CCNY: variants seen among roughly 807,000 people sequenced by gnomAD.
The protein encoded by CCNY is cyclin Y.
In CCNY, 19 loss-of-function variants were observed where a neutral mutation model predicts 42.8. That is an observed-to-expected ratio of 0.44 (90% confidence interval 0.31 to 0.65). The LOEUF is 0.65. Ranked by LOEUF, CCNY falls within the 30% of genes least tolerant of loss-of-function variation. The probability of loss-of-function intolerance (pLI) is 0.07; values close to 1 mark genes in which losing one functional copy is unlikely to be tolerated. For synonymous variants in CCNY, 165 were observed against 162.7 expected (o/e 1.01, Z -0.11); for missense variants, 370 against 437.3 (o/e 0.85, Z 1.37).
chr10:35,380,550 C>G (rs1213531215), intron 1 of CCNY, among the ~76,000 whole-genome samples: 1 of 152,226 alleles, frequency 6.6e-6, no homozygotes, highest in Non-Finnish European at 1.5e-5. Context: ...TACGATGAGT[C>G]TCTATATTTC....
intron 1 of CCNY, among the ~76,000 whole-genome samples, chr10:35,398,963 G>A (rs1390918925): frequency 2.6e-5 from 4 of 152,216 alleles, no homozygotes; most frequent in African/African-American, 4.8e-5. Context: ...GACATACGCC[G>A]TGCTTGCTTT....
intron 7 of CCNY, among the ~76,000 whole-genome samples, chr10:35,535,907 G>A (rs2135430003): frequency 6.6e-6 from 1 of 152,186 alleles, no homozygotes; most frequent in Middle Eastern, 3.4e-3. Context: ...AGATGCTGAG[G>A]GTCACTGCAC....
intron 3 of CCNY, among the ~76,000 whole-genome samples, chr10:35,515,369 G>T (rs2135406676): frequency 6.6e-6 from 1 of 152,286 alleles, no homozygotes; most frequent in Non-Finnish European, 1.5e-5. Context: ...TTTGAGAAGA[G>T]ATTCTGTTTA....
intron 3 of CCNY, among the ~76,000 whole-genome samples, chr10:35,266,050 T>A (rs1000054615): frequency 6.6e-6 from 1 of 152,074 alleles, no homozygotes; most frequent in Non-Finnish European, 1.5e-5. Context: ...AATTTACATG[T>A]ATCTCCAGGA....
intron 3 of CCNY, among the ~76,000 whole-genome samples, chr10:35,258,666 T>C (rs765554608): frequency 3.9e-5 from 6 of 152,056 alleles, no homozygotes; most frequent in Non-Finnish European, 7.4e-5. Flanking sequence ...ACATGTGGGG[T>C]ACAGTGGCTC....
At chr10:35,509,422 C>G (rs900506569) in intron 3 of CCNY, among the ~76,000 whole-genome samples, 3 of 151,970 alleles carry the variant, frequency 2.0e-5, no homozygotes, top group African/African-American at 7.3e-5. Flanking sequence ...ATTACAGGCA[C>G]CTTCCACCAC....
chr10:35,286,012 A>G (rs369485540), intron 3 of CCNY, among the ~76,000 whole-genome samples: 2 of 150,982 alleles, frequency 1.3e-5, no homozygotes, highest in African/African-American at 2.4e-5. Context: ...GGGTTTCTCC[A>G]TGTTGGTCAG....
intron 3 of CCNY, among the ~76,000 whole-genome samples, chr10:35,306,694 G>A (rs1259127444): frequency 6.6e-6 from 1 of 151,920 alleles, no homozygotes; most frequent in African/African-American, 2.4e-5. Flanking sequence ...TCTCCCACAT[G>A]CCCTCTCCCC....
Position 35,474,939 on chromosome 10 carries a change from G to C in CCNY, c.155-8465G>C, listed in dbSNP as rs577034904. On this transcript the variant is annotated intron_variant, in intron 1 of 9. Coordinates refer to ENST00000374704, the MANE Select transcript of CCNY (RefSeq NM_145012.6). Reference sequence around the variant, plus strand: ...ATGTATAACTAGAATAACCAATACAGAGAAGTGCTTAAAGGAGCTGATGGA... The same window carrying C: ...ATGTATAACTAGAATAACCAATACACAGAAGTGCTTAAAGGAGCTGATGGA... Among the ~76,000 whole-genome samples, 584 of 151,406 alleles carry C rather than the reference G, an allele frequency of 3.9e-3. 7 individuals are homozygous for C. The highest frequency in any genetic ancestry group is 5.3e-3 in the Non-Finnish European group (356 of 67,404).
At chr10:35,547,938 A>G (rs1414803211) in intron 7 of CCNY, among the ~76,000 whole-genome samples, 4 of 152,128 alleles carry the variant, frequency 2.6e-5, no homozygotes, top group African/African-American at 9.7e-5. Flanking sequence ...CTTTCCCTGT[A>G]ATGGTTTTCC....
chr10:35,338,445 A>G lies in CCNY; in HGVS notation c.154+1238A>G, dbSNP rs77135687. On this transcript the variant is annotated intron_variant, in intron 1 of 9. Coordinates refer to ENST00000374704, the MANE Select transcript of CCNY (RefSeq NM_145012.6). ...TCCATATGACGTGTCTAGTGTTGTT[A>G]TTTTAGATTTCCATTATTTTAAACA... Among the ~76,000 whole-genome samples the G allele has an allele frequency of 3.9e-4, 59 of 152,218 alleles. No homozygotes were observed. In the East Asian group the frequency reaches 0.011, roughly 29 times the overall value.
rs539948789 is a variant in CCNY at position 35,549,103 on chromosome 10, AC to A, written c.580-3907del. Among the ~76,000 whole-genome samples, 60 of 51,972 alleles carry A rather than the reference AC, an allele frequency of 1.2e-3. 1 individual carries two copies. The highest frequency in any genetic ancestry group is 0.011 in the South Asian group (11 of 1,042). 34.1% of individuals were successfully genotyped at this position (51,972 alleles called of 152,430 possible). ...CTCCGTGCCCCTCACCACCCACCCC[AC>A]CCCCCCCCGCCCCTCATCATGCCAA... On this transcript the variant is annotated intron_variant, in intron 7 of 9. Coordinates refer to ENST00000374704, the MANE Select transcript of CCNY (RefSeq NM_145012.6).
chr10:35,263,572 G>A lies in CCNY; in HGVS notation c.-9+12946G>A, dbSNP rs534820856. Among the ~76,000 whole-genome samples, 11 of 151,414 alleles carry A rather than the reference G, an allele frequency of 7.3e-5. No individual in the cohort carries two copies. In the South Asian group the frequency reaches 2.3e-3, roughly 32 times the overall value. On this transcript the variant is annotated intron_variant, in intron 3 of 11. Transcript: ENST00000374706. ...AAAATAAAATAAAATAAAGAAAAAG[G>A]GGAGGGGAGGAGAGAGGAAAGGAAA...
chr10:35,252,360 T>C (rs1036966052), intron 3 of CCNY, among the ~76,000 whole-genome samples: 1 of 151,788 alleles, frequency 6.6e-6, no homozygotes, highest in Non-Finnish European at 1.5e-5. Context: ...GGTCAGGAGA[T>C]TGGGGCCAAA....
At chr10:35,446,532 G>A (rs1262028215) in intron 1 of CCNY, among the ~76,000 whole-genome samples, 1 of 152,192 alleles carries the variant, frequency 6.6e-6, no homozygotes, top group African/African-American at 2.4e-5. Context: ...TAAAAGTGTG[G>A]TAGTGTAGAT....
chr10:35,468,751 A>G (rs537639415), intron 1 of CCNY, among the ~76,000 whole-genome samples: 3 of 152,200 alleles, frequency 2.0e-5, no homozygotes, highest in South Asian at 2.1e-4. Context: ...AATTTGGCCA[A>G]TTTGGTGTGA....
chr10:35,566,044 TC>T lies in CCNY; in HGVS notation c.769del (p.Glu258AsnfsTer30). On this transcript the variant is annotated frameshift_variant, in exon 9 of 10. Coordinates refer to ENST00000374704, the MANE Select transcript of CCNY (RefSeq NM_145012.6). LOFTEE classifies it high-confidence loss of function. ...EDMNELERQF[L>X]ELLQFNINVP... ...GCAGGAACGAGCTAGAGCGACAGTTTCTTGAATTGCTGCAGTTCAACATCAA... is the reference window on the plus strand; with the variant it reads ...GCAGGAACGAGCTAGAGCGACAGTTTTTGAATTGCTGCAGTTCAACATCAA... The T allele has an allele frequency of 6.2e-7, 1 of 1,613,986 alleles. No individual in the cohort carries two copies. Among genetic ancestry groups the T allele is most frequent in the Non-Finnish European group, 8.5e-7 (1 of 1,179,966 alleles).
rs1408578318 is a variant in CCNY, at chr10:35,425,840, C to G, written c.155-57564C>G. On this transcript the variant is annotated intron_variant, in intron 1 of 9. Coordinates refer to ENST00000374704, the MANE Select transcript of CCNY (RefSeq NM_145012.6). ...CTTTTGCAATCAGAAAAACTACAAA[C>G]TAAACAACAAAAACTTACCCTTGTT... 2.6e-5 allele frequency among the ~76,000 whole-genome samples: 4 copies of G among 152,132 alleles called. No homozygotes were observed. In the East Asian group the frequency reaches 7.7e-4, roughly 29 times the overall value.
At chr10:35,315,750 C>T (rs887959736) in intron 3 of CCNY, among the ~76,000 whole-genome samples, 1 of 152,170 alleles carries the variant, frequency 6.6e-6, no homozygotes, top group African/African-American at 2.4e-5. Flanking sequence ...ACAAGCTCCC[C>T]AGCATCTGTT....
Sources: gnomAD v4.1 joint callset for allele counts (sites outside exome capture counted in the v4.1 genomes callset) on GRCh38, gnomAD v4.1.1 for gene constraint, MANE v1.5 for transcripts, NCBI Gene and HGNC (gene_info 2026-07-23, HGNC 2026-07-21) for gene names.